Variants in DCAF6 observed in about 807,000 individuals in gnomAD.
DCAF6 encodes DDB1- and CUL4-associated factor 6.
DCAF6 carries 54 observed loss-of-function variants against 125.1 expected under a neutral mutation model. The observed-to-expected ratio is 0.43, with a 90% CI of 0.35 to 0.54. The LOEUF (loss-of-function observed/expected upper bound fraction) is 0.54. Among genes scored for constraint, DCAF6 ranks in the 20% least tolerant of loss-of-function variants. The pLI is 0.01. For synonymous variants in DCAF6, 371 were observed against 390.4 expected (o/e 0.95, Z 0.58); for missense variants, 934 against 1,161.7 (o/e 0.80, Z 2.85).
rs139851098 is a variant in DCAF6, at chr1:167,981,371, T to G, written c.439-6124T>G. ...GCTTTTTTCTTACTTTATGGATTCATTTTTTTCCTCAACTTTTATTTTAGA... is the reference window on the plus strand; with the variant it reads ...GCTTTTTTCTTACTTTATGGATTCAGTTTTTTCCTCAACTTTTATTTTAGA... On this transcript the variant is annotated intron_variant, in intron 4 of 21. Transcript: ENST00000367840. 3.8e-3 allele frequency among the ~76,000 whole-genome samples: 579 copies of G among 152,306 alleles called. 3 individuals carry two copies. Among genetic ancestry groups the G allele is most frequent in the African/African-American group, 0.013 (547 of 41,556 alleles).
intron 1 of DCAF6, among the ~76,000 whole-genome samples, chr1:167,948,991 CA>C (rs1673513251): frequency 6.6e-6 from 1 of 152,178 alleles, no homozygotes; most frequent in Non-Finnish European, 1.5e-5. Flanking sequence ...GATTCCAGAA[CA>C]GAATGAATAT....
At chr1:168,024,430 TTAAAC>T (rs1686072771) in intron 12 of DCAF6, among the ~76,000 whole-genome samples, 1 of 152,194 alleles carries the variant, frequency 6.6e-6, no homozygotes, top group African/African-American at 2.4e-5. Flanking sequence ...TATATGTAAT[TTAAAC>T]TATATTCTTA....
At chr1:168,054,289 A>G (rs1690322021) in intron 17 of DCAF6, among the ~76,000 whole-genome samples, 1 of 152,190 alleles carries the variant, frequency 6.6e-6, no homozygotes, top group African/African-American at 2.4e-5. Flanking sequence ...CTTGCTGGCA[A>G]GGACTCTGCA....
At chr1:168,069,794 A>G (rs1261234839) in intron 21 of DCAF6, among the ~76,000 whole-genome samples, 1 of 152,176 alleles carries the variant, frequency 6.6e-6, no homozygotes, top group Non-Finnish European at 1.5e-5. Flanking sequence ...AGACCAACAA[A>G]ATGTTTTTGT....
chr1:167,916,891 C>T, the DCAF6 span: 2 of 152,228 alleles, frequency 1.3e-5, no homozygotes, highest in African/African-American at 4.8e-5. Context: ...TTTGACTCTT[C>T]AGAACCTCTT....
chr1:167,926,400 A>G, the DCAF6 span, among the ~76,000 whole-genome samples: 1 of 152,232 alleles, frequency 6.6e-6, no homozygotes, highest in Non-Finnish European at 1.5e-5. Flanking sequence ...TCTCTCTACA[A>G]GATAGAAAAT....
intron 11 of DCAF6, among the ~76,000 whole-genome samples, chr1:168,018,393 A>G (rs202254): frequency 6.6e-4 from 100 of 152,202 alleles, no homozygotes; most frequent in African/African-American, 2.2e-3. Context: ...TTGGTTGTTC[A>G]CTCTTTGTCA....
chr1:167,870,427 T>A, the DCAF6 span: 1 of 1,592,008 alleles, frequency 6.3e-7, no homozygotes, highest in Non-Finnish European at 8.6e-7. Context: ...TTTTTAGTTT[T>A]AAAAAAGAGC....
intron 7 of DCAF6, among the ~76,000 whole-genome samples, chr1:167,998,017 T>C (rs1480707236): frequency 1.3e-5 from 2 of 152,114 alleles, no homozygotes; most frequent in Admixed American, 6.5e-5. Flanking sequence ...TTGACAAACA[T>C]GTAGAGAAAT....
intron 4 of DCAF6, among the ~76,000 whole-genome samples, chr1:167,977,988 A>G (rs1256597902): frequency 6.6e-6 from 1 of 152,088 alleles, no homozygotes; most frequent in Non-Finnish European, 1.5e-5. Context: ...AAATGGAAAT[A>G]TGGCTTTTTG....
chr1:167,894,666 CT>C, the DCAF6 span, among the ~76,000 whole-genome samples: 10 of 151,902 alleles, frequency 6.6e-5, no homozygotes, highest in Non-Finnish European at 1.2e-4. Flanking sequence ...GATTTGTAGC[CT>C]TTATAATAAA....
chr1:167,874,136 A>T, the DCAF6 span, among the ~76,000 whole-genome samples: 2 of 152,188 alleles, frequency 1.3e-5, no homozygotes, highest in African/African-American at 4.8e-5. Flanking sequence ...GATCAAGACC[A>T]GTCTGGCCAA....
At chr1:167,887,551 G>C in the DCAF6 span, among the ~76,000 whole-genome samples, 2 of 151,978 alleles carry the variant, frequency 1.3e-5, no homozygotes, top group Non-Finnish European at 2.9e-5. Flanking sequence ...GTCGTGGGCT[G>C]GGGGGAAGGG....
intron 10 of DCAF6, among the ~76,000 whole-genome samples, chr1:168,007,033 A>G (rs1683425427): frequency 6.6e-6 from 1 of 152,148 alleles, no homozygotes; most frequent in African/African-American, 2.4e-5. Flanking sequence ...CAAAATGACT[A>G]TTTTACACTT....
the DCAF6 span, chr1:167,875,303 TCCCCTGA>T: frequency 9.6e-7 from 1 of 1,044,642 alleles, no homozygotes. Context: ...CAAGAGTCTA[TCCCCTGA>T]CTCACGGGTC....
At chr1:167,868,796 G>A in the DCAF6 span, among the ~76,000 whole-genome samples, 1 of 152,098 alleles carries the variant, frequency 6.6e-6, no homozygotes, top group South Asian at 2.1e-4. Flanking sequence ...CAATACTATA[G>A]GCCTGCCACT....
chr1:168,064,251 A>C (rs1692049550), intron 18 of DCAF6, among the ~76,000 whole-genome samples: 1 of 152,088 alleles, frequency 6.6e-6, no homozygotes, highest in South Asian at 2.1e-4. Flanking sequence ...ATGAAATAAG[A>C]ATAGACCAGA....
At chr1:167,979,816 G>A (rs1678831770) in intron 4 of DCAF6, among the ~76,000 whole-genome samples, 1 of 152,192 alleles carries the variant, frequency 6.6e-6, no homozygotes, top group African/African-American at 2.4e-5. Context: ...GAACCCAAGA[G>A]GTGGAGGATG....
At position 167,987,518 on chromosome 1, in the gene DCAF6, T is replaced by C; in HGVS notation, c.462T>C (p.Pro154=). The change falls in exon 5 of 22, where the codon CCT becomes CCC. Residue 154 remains proline (P), a synonymous_variant. Coordinates refer to ENST00000367840, the MANE Select transcript of DCAF6 (RefSeq NM_001198956.2). ...AGATTATGACTGTACCCAATGACCC[T>C]TACACTTTTCTCTCTTGTGGTGAAG... ...TYEIMTVPND[P]YTFLSCGEDG... The C allele has an allele frequency of 6.3e-7, 1 of 1,597,326 alleles. No homozygotes were observed. The highest frequency in any genetic ancestry group is 8.6e-7 in the Non-Finnish European group (1 of 1,167,032).
Sources: gnomAD v4.1 joint callset for allele counts (sites outside exome capture counted in the v4.1 genomes callset) on GRCh38, gnomAD v4.1.1 for gene constraint, MANE v1.5 for transcripts, NCBI Gene and HGNC (gene_info 2026-07-23, HGNC 2026-07-21) for gene names.